CNTNAP2: variants seen among roughly 807,000 people sequenced by gnomAD.
The protein encoded by CNTNAP2 is contactin associated protein 2, also known as contactin-associated protein-like 2.
CNTNAP2 carries 98 observed loss-of-function variants against 155.2 expected under a neutral mutation model. The observed-to-expected ratio is 0.63, with a 90% CI of 0.54 to 0.75. The LOEUF (loss-of-function observed/expected upper bound fraction) is 0.75. Ranked by LOEUF, CNTNAP2 falls within the 30% of genes least tolerant of loss-of-function variation. The probability of loss-of-function intolerance (pLI) is 0.00; values close to 1 mark genes in which losing one functional copy is unlikely to be tolerated. For synonymous variants in CNTNAP2, 651 were observed against 631.2 expected, an observed-to-expected ratio of 1.03 and a Z score of -0.47; for missense variants, 1,727 against 1,688.1, an observed-to-expected ratio of 1.02 and a Z score of -0.40.
chr7:146,271,612 A>C (rs1800083377), intron 1 of CNTNAP2, among the ~76,000 whole-genome samples: 1 of 151,764 alleles, frequency 6.6e-6, no homozygotes, highest in South Asian at 2.1e-4. Flanking sequence ...AAATTGTTCT[A>C]TTTTAGTTTT....
chr7:147,955,568 T>G, intron 14 of CNTNAP2, among the ~76,000 whole-genome samples: 1 of 152,186 alleles, frequency 6.6e-6, no homozygotes, highest in Non-Finnish European at 1.5e-5. Flanking sequence ...CCCAGTTGTC[T>G]CCTGGCCACA....
intron 2 of CNTNAP2, among the ~76,000 whole-genome samples, chr7:146,818,606 C>T (rs1803219402): frequency 6.6e-6 from 1 of 152,106 alleles, no homozygotes; most frequent in Non-Finnish European, 1.5e-5. Flanking sequence ...TACTAGCTCT[C>T]TGTGGCCTGG....
chr7:146,319,424 A>T (rs921523430), intron 1 of CNTNAP2, among the ~76,000 whole-genome samples: 1 of 152,204 alleles, frequency 6.6e-6, no homozygotes, highest in South Asian at 2.1e-4. Flanking sequence ...GCTTGAATCT[A>T]TGTGTCTGGA....
chr7:146,322,190 G>T (rs572911845), intron 1 of CNTNAP2, among the ~76,000 whole-genome samples: 1 of 152,246 alleles, frequency 6.6e-6, no homozygotes, highest in South Asian at 2.1e-4. Flanking sequence ...TCAATCTAGT[G>T]ACATGCATGT....
chr7:146,642,318 C>A (rs968060262), intron 1 of CNTNAP2, among the ~76,000 whole-genome samples: 43 of 116,720 alleles, frequency 3.7e-4, no homozygotes, highest in Admixed American at 1.8e-3. Flanking sequence ...CTCCCCCCAC[C>A]CCACAACAGT....
chr7:147,934,396 G>A (rs1345510734), intron 14 of CNTNAP2, among the ~76,000 whole-genome samples: 1 of 152,046 alleles, frequency 6.6e-6, no homozygotes, highest in Non-Finnish European at 1.5e-5. Context: ...CTTGTGCAGG[G>A]GAACTCCTCC....
intron 9 of CNTNAP2, among the ~76,000 whole-genome samples, chr7:147,391,863 T>C (rs780161705): frequency 6.9e-4 from 105 of 152,128 alleles, no homozygotes; most frequent in Non-Finnish European, 9.6e-4. Context: ...AATGTTTGCA[T>C]TGTTCACCAT....
chr7:147,001,590 T>C (rs1024031544), intron 3 of CNTNAP2, among the ~76,000 whole-genome samples: 1 of 151,990 alleles, frequency 6.6e-6, no homozygotes, highest in African/African-American at 2.4e-5. Context: ...CCAACACAAA[T>C]GCCTTCTAAA....
intron 12 of CNTNAP2, among the ~76,000 whole-genome samples, chr7:147,637,185 A>ACC: frequency 2.6e-5 from 4 of 152,066 alleles, no homozygotes; most frequent in African/African-American, 9.7e-5. Flanking sequence ...TCAGAATCTC[A>ACC]CTTATATTTG....
chr7:146,121,759 G>A (rs1012993256), intron 1 of CNTNAP2, among the ~76,000 whole-genome samples: 43 of 152,306 alleles, frequency 2.8e-4, no homozygotes, highest in African/African-American at 1.0e-3. Flanking sequence ...TTTAAGATAA[G>A]TAGTTATCAG....
At chr7:146,242,904 A>G (rs1262534837) in intron 1 of CNTNAP2, among the ~76,000 whole-genome samples, 2 of 152,188 alleles carry the variant, frequency 1.3e-5, no homozygotes, top group Admixed American at 1.3e-4. Flanking sequence ...GAGAAAGGTA[A>G]TAATTTCAAG....
intron 21 of CNTNAP2, among the ~76,000 whole-genome samples, chr7:148,273,330 C>T (rs1796815823): frequency 6.6e-6 from 1 of 152,064 alleles, no homozygotes; most frequent in Non-Finnish European, 1.5e-5. Context: ...AGGGGGATAA[C>T]ATTTAGGGTT....
At chr7:148,024,591 C>T (rs1236482830) in intron 15 of CNTNAP2, among the ~76,000 whole-genome samples, 1 of 152,180 alleles carries the variant, frequency 6.6e-6, no homozygotes, top group Non-Finnish European at 1.5e-5. Context: ...AACTTTTACA[C>T]TCACTATTCA....
intron 21 of CNTNAP2, among the ~76,000 whole-genome samples, chr7:148,332,540 C>T (rs1798046891): frequency 6.6e-6 from 1 of 152,162 alleles, no homozygotes. Context: ...TCTGAACTCC[C>T]ACCATGTTTA....
chr7:146,886,351 TC>T (rs1795659822), intron 3 of CNTNAP2, among the ~76,000 whole-genome samples: 2 of 151,670 alleles, frequency 1.3e-5, no homozygotes, highest in South Asian at 2.1e-4. Context: ...AAATTTGCCC[TC>T]CTACATTCTT....
intron 1 of CNTNAP2, among the ~76,000 whole-genome samples, chr7:146,284,223 A>G (rs1800293497): frequency 6.6e-6 from 1 of 152,200 alleles, no homozygotes; most frequent in Non-Finnish European, 1.5e-5. Flanking sequence ...TGTAAACTCA[A>G]AATTGTATCG....
intron 1 of CNTNAP2, among the ~76,000 whole-genome samples, chr7:146,204,603 A>G (rs1798918221): frequency 6.6e-6 from 1 of 152,130 alleles, no homozygotes; most frequent in Admixed American, 6.6e-5. Flanking sequence ...CTCTCATGCC[A>G]GTCGTTTGTT....
At chr7:146,151,664 A>ATATATATG (rs1798046924) in intron 1 of CNTNAP2, among the ~76,000 whole-genome samples, 5 of 48,238 alleles carry the variant, frequency 1.0e-4, no homozygotes, top group Non-Finnish European at 8.2e-5. Context: ...ATATATATAT[A>ATATATATG]TATATATATA....
chr7:147,882,217 G>A (rs1342224941), intron 13 of CNTNAP2, among the ~76,000 whole-genome samples: 8 of 152,158 alleles, frequency 5.3e-5, no homozygotes. Flanking sequence ...CCCCATGTTA[G>A]ACAGCAGGAA....
Sources: gnomAD v4.1 joint callset for allele counts (sites outside exome capture counted in the v4.1 genomes callset) on GRCh38, gnomAD v4.1.1 for gene constraint, MANE v1.5 for transcripts, NCBI Gene and HGNC (gene_info 2026-07-23, HGNC 2026-07-21) for gene names.